The following ARMCX4 variants were observed in gnomAD, a reference collection of about 807,000 sequenced individuals.
ARMCX4 encodes armadillo repeat-containing X-linked protein 4.
Under a neutral mutation model 34.7 loss-of-function variants are expected in ARMCX4, and 3 were observed. The observed-to-expected ratio is 0.09, with a 90% CI of 0.04 to 0.22. ARMCX4 has a LOEUF of 0.22. Ranked by LOEUF, ARMCX4 falls within the 10% of genes least tolerant of loss-of-function variation. The pLI is 1.00. For missense variants in ARMCX4, 1,448 were observed against 1,720.8 expected (o/e 0.84, Z 2.81); for synonymous variants, 513 against 632.8 (o/e 0.81, Z 2.84).
At chrX:101,486,195 G>C (rs1184005748) in intron 2 of ARMCX4, 103 bp downstream of exon 2, 9 of 111,099 alleles carry the variant, frequency 8.1e-5, no homozygotes, top group African/African-American at 2.3e-4. Flanking sequence ...GGTGGGGCTA[G>C]CTTGGGGACT....
chrX:101,516,314 C>T (rs1017151674), intron 11 of ARMCX4, among the ~76,000 whole-genome samples: 3 of 111,247 alleles, frequency 2.7e-5, no homozygotes, highest in Non-Finnish European at 5.7e-5. Flanking sequence ...CAGCGGATTT[C>T]TAAAAAGTGG....
At chrX:101,505,872 G>A (rs1018651163) in intron 8 of ARMCX4, among the ~76,000 whole-genome samples, 5 of 111,330 alleles carry the variant, frequency 4.5e-5, no homozygotes, top group Non-Finnish European at 7.5e-5. Flanking sequence ...ATGGATTTTC[G>A]CTCTTATTGC....
At chrX:101,433,240 GTATATATACACACATA>G (rs1930396346) in intron 2 of ARMCX4, among the ~76,000 whole-genome samples, 2 of 31,525 alleles carry the variant, frequency 6.3e-5, no homozygotes, top group Non-Finnish European at 1.8e-4. Flanking sequence ...GTACACATAT[GTATATATACACACATA>G]TATACATATA....
At position 101,493,972 on chromosome X, in the gene ARMCX4, A is replaced by G. The variant is rs1556010671; in HGVS notation, c.5383A>G (p.Ile1795Val). Residue 1795 changes from isoleucine (I) to valine (V), a missense_variant, in exon 6 of 6, where the codon ATT (isoleucine) becomes GTT (valine). Coordinates refer to ENST00000423738, the MANE Select transcript of ARMCX4 (RefSeq NM_001256155.3). Reference sequence around the variant, plus strand: ...GAACAAGGCTAGTAGTGGCTCCTGGATTAGATCTGAGGAGGTGGCTTATAT... The same window carrying G: ...GAACAAGGCTAGTAGTGGCTCCTGGGTTAGATCTGAGGAGGTGGCTTATAT... ...AENKASSGSW[I>V]RSEEVAYMGS... The G allele has an allele frequency of 3.6e-6, 3 of 837,223 alleles. No homozygotes were observed. The highest frequency in any genetic ancestry group is 2.9e-6 in the Non-Finnish European group (2 of 686,178). 69.0% of individuals were successfully genotyped at this position (837,223 alleles called of 1,213,427 possible). A position where few individuals can be genotyped will look rare whatever the true frequency, so the allele number is the denominator to read the frequency against.
At chrX:101,437,673 C>T (rs1930897025) in intron 2 of ARMCX4, among the ~76,000 whole-genome samples, 1 of 111,110 alleles carries the variant, frequency 9.0e-6, no homozygotes, top group Non-Finnish European at 1.9e-5. Flanking sequence ...TTAGTTATTT[C>T]TTGCCTTCTG....
chrX:101,442,633 G>A (rs1420128067), intron 2 of ARMCX4, among the ~76,000 whole-genome samples: 1 of 111,521 alleles, frequency 9.0e-6, no homozygotes, highest in East Asian at 2.8e-4. Flanking sequence ...CACAGGGTTT[G>A]CCTCAACCTT....
chrX:101,526,814 G>A (rs1290686558), intron 11 of ARMCX4, among the ~76,000 whole-genome samples: 1 of 111,687 alleles, frequency 9.0e-6, no homozygotes, highest in African/African-American at 3.3e-5. Context: ...CAATACAGGA[G>A]CACCCAGATT....
intron 4 of ARMCX4, among the ~76,000 whole-genome samples, chrX:101,454,577 C>A (rs1291773869): frequency 9.1e-6 from 1 of 110,001 alleles, no homozygotes; most frequent in African/African-American, 3.3e-5. Flanking sequence ...TGAGCCACTG[C>A]GCCTGGCTCA....
At chrX:101,432,882 A>G (rs1930217813) in intron 2 of ARMCX4, among the ~76,000 whole-genome samples, 1 of 74,262 alleles carries the variant, frequency 1.3e-5, no homozygotes, top group East Asian at 4.2e-4. Flanking sequence ...ACATATGTAT[A>G]CGTGTGTATA....
chrX:101,436,095 T>C lies in ARMCX4; in HGVS notation n.165-7957T>C, dbSNP rs781849688. ...GGTAGCGTGATGCCTCCAGCTTTGT[T>C]CTTTTGGCTTAGGATTGACTTGGCA... On this transcript the variant is annotated intron_variant and non_coding_transcript_variant, in intron 2 of 3. Coordinates refer to the ARMCX4 transcript ENST00000430461. Among the ~76,000 whole-genome samples the C allele has an allele frequency of 1.6e-3, 173 of 110,365 alleles. 1 individual carries two copies. The highest frequency in any genetic ancestry group is 5.0e-3 in the African/African-American group (153 of 30,579).
At chrX:101,502,339 C>G (rs894437236) in intron 7 of ARMCX4, among the ~76,000 whole-genome samples, 5 of 112,253 alleles carry the variant, frequency 4.5e-5, no homozygotes, top group Non-Finnish European at 9.4e-5. Context: ...CCTCCTGGCT[C>G]AAGTATCCTC....
chrX:101,480,157 C>CACACACACACAG (rs1556005161), intron 4 of ARMCX4, among the ~76,000 whole-genome samples: 12 of 104,639 alleles, frequency 1.1e-4, no homozygotes, highest in Admixed American at 6.3e-4. Context: ...CACACACACA[C>CACACACACACAG]ACACACACAC....
chrX:101,481,594 T>G (rs1933451990), upstream of ARMCX4, among the ~76,000 whole-genome samples: 2 of 111,945 alleles, frequency 1.8e-5, no homozygotes, highest in African/African-American at 6.5e-5. Flanking sequence ...TTATGTTTGA[T>G]GGGGGTATAA....
chrX:101,523,230 C>G (rs1196442971), intron 11 of ARMCX4, among the ~76,000 whole-genome samples: 1 of 111,799 alleles, frequency 8.9e-6, no homozygotes, highest in Non-Finnish European at 1.9e-5. Flanking sequence ...TCCTAGAAAT[C>G]CAGGATGAAA....
At chrX:101,510,348 C>A (rs1163234761) in intron 10 of ARMCX4, among the ~76,000 whole-genome samples, 3 of 111,444 alleles carry the variant, frequency 2.7e-5, no homozygotes, top group Non-Finnish European at 3.8e-5. Context: ...GTGAATGTAC[C>A]AATTTTATTT....
At chrX:101,434,391 G>A (rs1490095520) in intron 2 of ARMCX4, among the ~76,000 whole-genome samples, 4 of 110,325 alleles carry the variant, frequency 3.6e-5, no homozygotes, top group African/African-American at 1.3e-4. Context: ...GGGATTAGGG[G>A]CATGTGCCAC....
chrX:101,521,193 A>G (rs1440415772), intron 11 of ARMCX4, among the ~76,000 whole-genome samples: 1 of 111,194 alleles, frequency 9.0e-6, no homozygotes, highest in African/African-American at 3.3e-5. Context: ...CAGCCTCTCA[A>G]AGTGCTTGGA....
intron 2 of ARMCX4, among the ~76,000 whole-genome samples, chrX:101,434,254 C>CTTTTTTT (rs140569758): frequency 2.2e-5 from 2 of 89,292 alleles, no homozygotes. Context: ...TTAGAGTATT[C>CTTTTTTT]TTTTTTTTTT....
At chrX:101,524,746 G>A (rs1396276547) in intron 11 of ARMCX4, among the ~76,000 whole-genome samples, 3 of 111,781 alleles carry the variant, frequency 2.7e-5, no homozygotes, top group Admixed American at 1.9e-4. Context: ...GCTGGGGGAG[G>A]GGCATCTGCC....
Sources: allele counts gnomAD v4.1 joint callset (sites outside exome capture counted in the v4.1 genomes callset), GRCh38; gene constraint gnomAD v4.1.1; transcripts MANE v1.5; gene names NCBI Gene and HGNC (gene_info 2026-07-23, HGNC 2026-07-21).